ESRRG: variants seen among roughly 807,000 people sequenced by gnomAD.
ESRRG encodes the protein estrogen related receptor gamma.
Under a neutral mutation model 44.0 loss-of-function variants are expected in ESRRG, and 13 were observed. That is an observed-to-expected ratio of 0.30 (90% CI 0.19 to 0.47). ESRRG has a LOEUF of 0.47. Among genes scored for constraint, ESRRG ranks in the 20% least tolerant of loss-of-function variants. The probability of loss-of-function intolerance (pLI) is 1.00; values close to 1 mark genes in which losing one functional copy is unlikely to be tolerated. For missense variants in ESRRG, 395 were observed against 580.6 expected, an observed-to-expected ratio of 0.68 and a Z score of 3.29; for synonymous variants, 215 against 214.6, an observed-to-expected ratio of 1.00 and a Z score of -0.02.
At chr1:217,128,556 T>C (rs2092920405) in intron 1 of ESRRG, among the ~76,000 whole-genome samples, 1 of 152,208 alleles carries the variant, frequency 6.6e-6, no homozygotes, top group Admixed American at 6.5e-5. Context: ...GGAGACTATT[T>C]GAAATTTCTT....
At chr1:216,928,105 G>T (rs189101745) in intron 2 of ESRRG, among the ~76,000 whole-genome samples, 28 of 152,266 alleles carry the variant, frequency 1.8e-4, no homozygotes, top group African/African-American at 6.0e-4. Context: ...AATGGTGACC[G>T]TGGAATCTCT....
intron 5 of ESRRG, among the ~76,000 whole-genome samples, chr1:216,531,845 C>T (rs746830778): frequency 8.5e-5 from 13 of 152,086 alleles, no homozygotes; most frequent in Non-Finnish European, 1.6e-4. Context: ...CTAACCTTCC[C>T]GCTTTGATCT....
At chr1:217,004,226 A>G (rs986081111) in intron 1 of ESRRG, among the ~76,000 whole-genome samples, 1 of 152,178 alleles carries the variant, frequency 6.6e-6, no homozygotes, top group Non-Finnish European at 1.5e-5. Context: ...AGAAAGAAGA[A>G]TGGATTACTG....
chr1:216,881,557 A>G (rs2096448113), intron 2 of ESRRG, among the ~76,000 whole-genome samples: 1 of 152,020 alleles, frequency 6.6e-6, no homozygotes, highest in Admixed American at 6.6e-5. Context: ...AAAATCAAGA[A>G]CAAAAAATTT....
At chr1:216,911,840 C>T (rs953157672) in intron 2 of ESRRG, among the ~76,000 whole-genome samples, 1 of 151,882 alleles carries the variant, frequency 6.6e-6, no homozygotes, top group Non-Finnish European at 1.5e-5. Context: ...GAGGCCGAGG[C>T]AGGTGGATCA....
intron 5 of ESRRG, among the ~76,000 whole-genome samples, chr1:216,526,451 T>C (rs539687081): frequency 6.6e-6 from 1 of 152,066 alleles, no homozygotes; most frequent in African/African-American, 2.4e-5. Flanking sequence ...AAGGGATGCT[T>C]GAGGCCACCA....
At position 217,031,148 on chromosome 1, in the gene ESRRG, A is replaced by T. The variant is rs182571321; in HGVS notation, c.-106+58359T>A. On this transcript the variant is annotated intron_variant, in intron 1 of 7. Transcript: ENST00000359162. ...TTTTACATTTTCTAAGAGTTATTTT[A>T]AAAAAAACTATGTTGTAGAAACCAT... is the stretch of plus-strand genomic sequence containing the variant. Among the ~76,000 whole-genome samples, 1,227 of 152,160 alleles carry T rather than the reference A, an allele frequency of 8.1e-3. 8 individuals carry two copies. The highest frequency in any genetic ancestry group is 0.021 in the African/African-American group (875 of 41,494).
intron 1 of ESRRG, among the ~76,000 whole-genome samples, chr1:217,026,980 C>T (rs1442707858): frequency 1.3e-5 from 2 of 148,770 alleles, no homozygotes; most frequent in African/African-American, 5.0e-5. Context: ...TGGTTTTATT[C>T]AATTGCCAGA....
intron 2 of ESRRG, among the ~76,000 whole-genome samples, chr1:216,789,579 C>T (rs903393020): frequency 6.6e-6 from 1 of 152,020 alleles, no homozygotes; most frequent in African/African-American, 2.4e-5. Context: ...GCTTGATTGA[C>T]GTGGTCTGGA....
At chr1:216,803,623 G>A (rs529339709) in intron 2 of ESRRG, among the ~76,000 whole-genome samples, 33 of 152,018 alleles carry the variant, frequency 2.2e-4, no homozygotes, top group East Asian at 3.9e-4. Context: ...TTGGTTGGGG[G>A]TTTTGGTGGT....
upstream of ESRRG, among the ~76,000 whole-genome samples, chr1:216,728,082 A>G (rs2087920540): frequency 6.6e-6 from 1 of 152,198 alleles, no homozygotes. Context: ...GTTAGGTTGT[A>G]TTTCCATCAT....
chr1:216,560,346 A>T (rs560409560), intron 5 of ESRRG, among the ~76,000 whole-genome samples: 1 of 152,320 alleles, frequency 6.6e-6, no homozygotes, highest in East Asian at 1.9e-4. Context: ...AAAATAAACA[A>T]GCAGACCTGA....
chr1:217,127,308 T>C (rs994381035), intron 1 of ESRRG, among the ~76,000 whole-genome samples: 1 of 152,240 alleles, frequency 6.6e-6, no homozygotes, highest in African/African-American at 2.4e-5. Context: ...GCCTGTGTCT[T>C]ATGTTAGCAG....
intron 2 of ESRRG, among the ~76,000 whole-genome samples, chr1:216,917,243 G>A (rs2061312938): frequency 1.3e-5 from 2 of 151,198 alleles, no homozygotes; most frequent in African/African-American, 4.9e-5. Context: ...CTTAGGTCTG[G>A]AACTGGAACG....
intron 2 of ESRRG, among the ~76,000 whole-genome samples, chr1:216,779,736 G>A (rs1275516257): frequency 6.7e-6 from 1 of 148,946 alleles, no homozygotes; most frequent in African/African-American, 2.5e-5. Context: ...GTAATTAGAA[G>A]TATCTTTGGG....
intron 1 of ESRRG, among the ~76,000 whole-genome samples, chr1:216,983,322 C>T (rs918703821): frequency 6.6e-6 from 1 of 151,776 alleles, no homozygotes; most frequent in Non-Finnish European, 1.5e-5. Flanking sequence ...GCCTCGATCT[C>T]CTGGGCTCAA....
intron 2 of ESRRG, among the ~76,000 whole-genome samples, chr1:216,838,193 G>A (rs556328865): frequency 3.9e-5 from 6 of 152,224 alleles, no homozygotes; most frequent in Non-Finnish European, 8.8e-5. Context: ...CAGGAATTGC[G>A]AGGGAACAGA....
intron 1 of ESRRG, among the ~76,000 whole-genome samples, chr1:217,058,876 A>G: frequency 7.7e-6 from 1 of 129,824 alleles, no homozygotes; most frequent in East Asian, 3.3e-4. Context: ...ATAATACAAT[A>G]AACTATAGAT....
intron 1 of ESRRG, among the ~76,000 whole-genome samples, chr1:216,703,817 G>T (rs965763661): frequency 2.6e-5 from 4 of 151,732 alleles, no homozygotes; most frequent in Admixed American, 2.6e-4. Flanking sequence ...ATGGGTGAAT[G>T]GGGGATAAAC....
Sources: allele counts gnomAD v4.1 joint callset (sites outside exome capture counted in the v4.1 genomes callset), GRCh38; gene constraint gnomAD v4.1.1; transcripts MANE v1.5; gene names NCBI Gene and HGNC (gene_info 2026-07-23, HGNC 2026-07-21).